RERE: variants seen among roughly 807,000 people sequenced by gnomAD.
The protein encoded by RERE is arginine-glutamic acid dipeptide repeats.
A neutral mutation model predicts 146.1 loss-of-function variants in RERE; 40 were observed. The ratio of observed to expected loss-of-function variants is 0.27; its 90% CI spans 0.21 to 0.36. The LOEUF (loss-of-function observed/expected upper bound fraction) is 0.36. RERE is among the 10% of genes least tolerant of loss of function. The pLI is 1.00. For synonymous variants in RERE, 1,003 were observed against 866.0 expected (o/e 1.16, Z -2.78); for missense variants, 1,933 against 2,138.7 (o/e 0.90, Z 1.90).
intron 4 of RERE, among the ~76,000 whole-genome samples, chr1:8,585,898 A>G (rs1041417337): frequency 1.3e-5 from 2 of 152,234 alleles, no homozygotes; most frequent in African/African-American, 4.8e-5. Context: ...AAATCTTACA[A>G]TTTTGAAAAT....
intron 9 of RERE, 151 bp from the exon 10 acceptor site, chr1:8,495,313 T>A: frequency 6.3e-6 from 1 of 157,528 alleles, no homozygotes; most frequent in Non-Finnish European, 1.3e-5. Flanking sequence ...TCTGCTCCTA[T>A]TTTTTTTTTT....
intron 4 of RERE, among the ~76,000 whole-genome samples, chr1:8,558,581 A>G (rs1323990264): frequency 6.6e-6 from 1 of 152,176 alleles, no homozygotes; most frequent in East Asian, 1.9e-4. Flanking sequence ...CCTAAATCCT[A>G]AAATATGATA....
chr1:8,412,414 C>T (rs1570175274), intron 12 of RERE, among the ~76,000 whole-genome samples: 1 of 152,174 alleles, frequency 6.6e-6, no homozygotes, highest in African/African-American at 2.4e-5. Flanking sequence ...TATCCGTCAA[C>T]AGTCATAGGA....
intron 1 of RERE, among the ~76,000 whole-genome samples, chr1:8,675,730 CATACATAT>C (rs1460020930): frequency 1.0e-4 from 14 of 139,922 alleles, no homozygotes; most frequent in Admixed American, 8.6e-4. Flanking sequence ...ACTCAAAATA[CATACATAT>C]ATACATACAT....
intron 12 of RERE, among the ~76,000 whole-genome samples, chr1:8,369,859 G>C: frequency 6.6e-6 from 1 of 151,996 alleles, no homozygotes; most frequent in East Asian, 1.9e-4. Context: ...GCACGATCTC[G>C]GCTCACTGCA....
chr1:8,688,963 A>G (rs1639149690), intron 1 of RERE, among the ~76,000 whole-genome samples: 1 of 152,132 alleles, frequency 6.6e-6, no homozygotes, highest in Admixed American at 6.6e-5. Context: ...GTCAAGGAAC[A>G]GCTATATACT....
chr1:8,727,962 G>A (rs1463111327), intron 1 of RERE, among the ~76,000 whole-genome samples: 1 of 152,138 alleles, frequency 6.6e-6, no homozygotes, highest in African/African-American at 2.4e-5. Flanking sequence ...ATGTAGCCCA[G>A]AGTTTTGTCT....
intron 1 of RERE, among the ~76,000 whole-genome samples, chr1:8,719,323 G>A (rs1639819214): frequency 6.6e-6 from 1 of 152,130 alleles, no homozygotes; most frequent in Admixed American, 6.5e-5. Flanking sequence ...AAACATTATT[G>A]TCCAAGCACT....
In RERE at chr1:8,502,247, C is replaced by A. The variant is rs201328736; in HGVS notation, c.880-4718G>T. Among the ~76,000 whole-genome samples the A allele has an allele frequency of 2.8e-5, 3 of 106,042 alleles. No individual in the cohort carries two copies. In the East Asian group the frequency reaches 9.4e-4, roughly 33 times the overall value. The allele number at this position is 106,042 out of a possible 152,430, so 69.6% of individuals were successfully genotyped here. ...CCCCCGCCTGGCCAGCCACCCCGTC[C>A]GGGAGGTGAGGGGCGCCTCTGCCCG... On this transcript the variant is annotated intron_variant, in intron 8 of 22. Transcript: ENST00000400908.
At chr1:8,597,043 G>A (rs970618826) in intron 4 of RERE, among the ~76,000 whole-genome samples, 1 of 151,838 alleles carries the variant, frequency 6.6e-6, no homozygotes, top group Non-Finnish European at 1.5e-5. Flanking sequence ...TCTCTCATAT[G>A]TAGTTAAAAC....
rs189742322 is a variant in RERE at position 8,535,045 on chromosome 1, G to A, written c.830+6169C>T. Among the ~76,000 whole-genome samples, 13 of 152,036 alleles carry A rather than the reference G, an allele frequency of 8.6e-5. No homozygotes were observed. The East Asian group carries it at 1.9e-3, about 23-fold the overall frequency. ...CTTGAGCCCGGGAGGATCACTGAGG[G>A]GGGAGGGAGGATCACTTAATCTAGG... On this transcript the variant is annotated intron_variant, in intron 7 of 22. Coordinates refer to ENST00000400908, the MANE Select transcript of RERE (RefSeq NM_001042681.2).
chr1:8,775,602 A>G (rs1419351801), intron 1 of RERE, among the ~76,000 whole-genome samples: 1 of 152,114 alleles, frequency 6.6e-6, no homozygotes, highest in Non-Finnish European at 1.5e-5. Flanking sequence ...AAACAAATAA[A>G]TCAACTTTTT....
chr1:8,673,256 C>G (rs977841811), intron 1 of RERE, among the ~76,000 whole-genome samples: 3 of 152,066 alleles, frequency 2.0e-5, no homozygotes, highest in African/African-American at 7.2e-5. Flanking sequence ...CCACCACACC[C>G]GGCTAATTTT....
chr1:8,466,021 C>T lies in RERE; in HGVS notation c.1107G>A (p.Leu369=). Residue 369 remains leucine (L), a splice_region_variant and synonymous_variant, in exon 11 of 23, where the codon CTG becomes CTA. Coordinates refer to ENST00000400908, the MANE Select transcript of RERE (RefSeq NM_001042681.2). ...DDTTLNALNT[L]HESGYDAGKA... ...TGCCAGCATCGTAACCGCTTTCATG[C>T]AGCTAAAACAACAACAATTATAGTT... is the stretch of plus-strand genomic sequence containing the variant. 2.5e-6 allele frequency: 4 copies of T among 1,606,522 alleles called. No homozygotes were observed. The highest frequency in any genetic ancestry group is 1.7e-6 in the Non-Finnish European group (2 of 1,174,268).
chr1:8,502,213 G>A (rs1181334097), intron 8 of RERE, among the ~76,000 whole-genome samples: 2 of 98,068 alleles, frequency 2.0e-5, no homozygotes, highest in African/African-American at 4.4e-5. Flanking sequence ...GGGAGGTGGG[G>A]GGATCAGCCC....
At chr1:8,376,468 A>C (rs1642259555) in intron 12 of RERE, among the ~76,000 whole-genome samples, 1 of 152,234 alleles carries the variant, frequency 6.6e-6, no homozygotes, top group African/African-American at 2.4e-5. Context: ...ACATGTCTAT[A>C]GAAACGCTTT....
intron 2 of RERE, among the ~76,000 whole-genome samples, chr1:8,654,116 T>G (rs901145009): frequency 6.6e-6 from 1 of 151,960 alleles, no homozygotes; most frequent in Non-Finnish European, 1.5e-5. Context: ...CGGGGCTTAC[T>G]GCAGCCTTGC....
chr1:8,781,575 C>A, intron 1 of RERE, among the ~76,000 whole-genome samples: 1 of 151,520 alleles, frequency 6.6e-6, no homozygotes, highest in African/African-American at 2.4e-5. Context: ...CTGCCACTTC[C>A]TAGCTGAGTT....
intron 8 of RERE, among the ~76,000 whole-genome samples, chr1:8,503,090 A>AT (rs1491163075): frequency 1.1e-3 from 101 of 94,870 alleles, no homozygotes; most frequent in African/African-American, 3.8e-3. Flanking sequence ...TCAATTAAAA[A>AT]TAAATAAATA....
Sources: gnomAD v4.1 joint callset for allele counts (sites outside exome capture counted in the v4.1 genomes callset) on GRCh38, gnomAD v4.1.1 for gene constraint, MANE v1.5 for transcripts, NCBI Gene and HGNC (gene_info 2026-07-23, HGNC 2026-07-21) for gene names.